ZNF804A: variants seen among roughly 807,000 people sequenced by gnomAD.
The protein encoded by ZNF804A is zinc finger protein 804A.
In ZNF804A, 2 loss-of-function variants were observed where a neutral mutation model predicts 16.5. That is an observed-to-expected ratio of 0.12 (90% CI 0.05 to 0.38). The LOEUF (loss-of-function observed/expected upper bound fraction) is 0.38. Ranked by LOEUF, ZNF804A falls within the 10% of genes least tolerant of loss-of-function variation. ZNF804A has a pLI of 0.99. For missense variants in ZNF804A, 1,473 were observed against 1,390.7 expected (o/e 1.06, Z -0.94); for synonymous variants, 534 against 489.6 (o/e 1.09, Z -1.20).
chr2:184,844,036 A>G (rs1419958315), intron 1 of ZNF804A, among the ~76,000 whole-genome samples: 3 of 152,018 alleles, frequency 2.0e-5, no homozygotes, highest in Non-Finnish European at 4.4e-5. Flanking sequence ...CAGGGCATCA[A>G]TTATACTTCT....
intron 1 of ZNF804A, among the ~76,000 whole-genome samples, chr2:184,682,021 C>A (rs1351903528): frequency 1.3e-5 from 2 of 152,208 alleles, no homozygotes; most frequent in African/African-American, 4.8e-5. Flanking sequence ...ACGACAGCAC[C>A]CCCTGCCGCC....
chr2:184,645,559 G>A (rs1244348415), intron 1 of ZNF804A, among the ~76,000 whole-genome samples: 2 of 152,076 alleles, frequency 1.3e-5, no homozygotes, highest in African/African-American at 2.4e-5. Context: ...GATAATAAAA[G>A]TATAACACTG....
chr2:184,890,665 A>G (rs190793709), intron 2 of ZNF804A, among the ~76,000 whole-genome samples: 4 of 152,084 alleles, frequency 2.6e-5, no homozygotes, highest in East Asian at 1.9e-4. Flanking sequence ...TATTTACTAA[A>G]TAATGATTAA....
intron 1 of ZNF804A, among the ~76,000 whole-genome samples, chr2:184,853,910 T>C (rs1695645758): frequency 1.3e-5 from 2 of 151,152 alleles, no homozygotes; most frequent in African/African-American, 4.9e-5. Context: ...GATTTTCATA[T>C]CAGAGTAAAG....
intron 2 of ZNF804A, among the ~76,000 whole-genome samples, chr2:184,887,085 C>G (rs1558992960): frequency 6.6e-6 from 1 of 152,198 alleles, no homozygotes; most frequent in Admixed American, 6.5e-5. Context: ...CCTTTAACAG[C>G]ATCCAAATCA....
chr2:184,679,811 A>T (rs1692507651), intron 1 of ZNF804A, among the ~76,000 whole-genome samples: 1 of 152,166 alleles, frequency 6.6e-6, no homozygotes, highest in Admixed American at 6.5e-5. Context: ...CCTTGGCAAG[A>T]ACAGTCTGGG....
chr2:184,878,443 G>A (rs1251855352), intron 2 of ZNF804A, among the ~76,000 whole-genome samples: 1 of 152,080 alleles, frequency 6.6e-6, no homozygotes, highest in Non-Finnish European at 1.5e-5. Context: ...AATATGATAT[G>A]TGATTAGAGG....
At chr2:184,869,338 A>G (rs1246958519) in intron 2 of ZNF804A, among the ~76,000 whole-genome samples, 3 of 152,044 alleles carry the variant, frequency 2.0e-5, no homozygotes, top group Non-Finnish European at 2.9e-5. Context: ...GGAATTAGAA[A>G]AAGGCAAATT....
At chr2:184,843,561 A>T (rs1243973169) in intron 1 of ZNF804A, among the ~76,000 whole-genome samples, 1 of 152,118 alleles carries the variant, frequency 6.6e-6, no homozygotes, top group Non-Finnish European at 1.5e-5. Context: ...GGCGTGAGCC[A>T]CCACACTTGG....
intron 1 of ZNF804A, among the ~76,000 whole-genome samples, chr2:184,821,359 A>G (rs1461257057): frequency 1.3e-5 from 2 of 152,178 alleles, no homozygotes; most frequent in Non-Finnish European, 2.9e-5. Context: ...CTGGCTAGCC[A>G]TATGCAGAAA....
At chr2:184,832,937 G>A (rs1418275207) in intron 1 of ZNF804A, among the ~76,000 whole-genome samples, 7 of 151,818 alleles carry the variant, frequency 4.6e-5, no homozygotes, top group South Asian at 4.1e-4. Context: ...AGATTTTCTC[G>A]TAATTTATGC....
chr2:184,626,914 C>G (rs1207377031), intron 1 of ZNF804A, among the ~76,000 whole-genome samples: 1 of 152,126 alleles, frequency 6.6e-6, no homozygotes, highest in Non-Finnish European at 1.5e-5. Flanking sequence ...TATGGACTTT[C>G]ACGTAACAGC....
intron 2 of ZNF804A, among the ~76,000 whole-genome samples, chr2:184,875,714 T>C (rs550061688): frequency 6.7e-6 from 1 of 149,344 alleles, no homozygotes; most frequent in Admixed American, 6.7e-5. Flanking sequence ...AACAAGATAA[T>C]TAAAATAGTT....
intron 1 of ZNF804A, among the ~76,000 whole-genome samples, chr2:184,789,994 G>T (rs1043782761): frequency 1.3e-5 from 2 of 151,644 alleles, no homozygotes; most frequent in Admixed American, 6.6e-5. Context: ...CACTTCTTTT[G>T]CTGGATCCCA....
At chr2:184,928,095 G>A (rs1310740899) in intron 2 of ZNF804A, among the ~76,000 whole-genome samples, 1 of 151,976 alleles carries the variant, frequency 6.6e-6, no homozygotes, top group African/African-American at 2.4e-5. Context: ...AGTTTCACTG[G>A]GAGCCAGGAA....
At position 184,790,206 on chromosome 2, in the gene ZNF804A, G is replaced by GT. The variant is rs1225911938; in HGVS notation, c.112-76155dup. On this transcript the variant is annotated intron_variant, in intron 1 of 3. Coordinates refer to ENST00000302277, the MANE Select transcript of ZNF804A (RefSeq NM_194250.2). ...GAGAAAATACTTGGTACAACTTCATGTTTTTTTTGCTTTTTTGTTTTTTTG... is the reference window on the plus strand; with the variant it reads ...GAGAAAATACTTGGTACAACTTCATGTTTTTTTTTGCTTTTTTGTTTTTTTG... Among the ~76,000 whole-genome samples, 440 of 149,404 alleles carry GT rather than the reference G, an allele frequency of 2.9e-3. 7 individuals are homozygous for GT. Among genetic ancestry groups the GT allele is most frequent in the African/African-American group, 0.01 (409 of 40,798 alleles).
At chr2:184,925,956 A>T (rs1390656962) in intron 2 of ZNF804A, among the ~76,000 whole-genome samples, 1 of 151,722 alleles carries the variant, frequency 6.6e-6, no homozygotes, top group Non-Finnish European at 1.5e-5. Flanking sequence ...GCTCTATCTT[A>T]TGTATATCTT....
At chr2:184,756,978 G>T (rs1197838009) in intron 1 of ZNF804A, among the ~76,000 whole-genome samples, 1 of 151,922 alleles carries the variant, frequency 6.6e-6, no homozygotes, top group African/African-American at 2.4e-5. Flanking sequence ...GTTATTTTAT[G>T]TAGGTTTAAT....
intron 1 of ZNF804A, among the ~76,000 whole-genome samples, chr2:184,865,788 G>A (rs1459867199): frequency 6.6e-6 from 1 of 151,802 alleles, no homozygotes; most frequent in African/African-American, 2.4e-5. Context: ...CGCAGAAAAG[G>A]GTTTTCTTTT....
Sources: allele counts gnomAD v4.1 joint callset (sites outside exome capture counted in the v4.1 genomes callset), GRCh38; gene constraint gnomAD v4.1.1; transcripts MANE v1.5; gene names NCBI Gene and HGNC (gene_info 2026-07-23, HGNC 2026-07-21).